KCNIP4: variants seen among roughly 807,000 people sequenced by gnomAD.
The protein encoded by KCNIP4 is Kv channel-interacting protein 4.
In KCNIP4, 12 loss-of-function variants were observed where a neutral mutation model predicts 34.0. That is an observed-to-expected ratio of 0.35 (90% CI 0.23 to 0.57). KCNIP4 has a LOEUF of 0.57. KCNIP4 is among the 20% of genes least tolerant of loss of function. KCNIP4 has a pLI of 0.83. For missense variants in KCNIP4, 238 were observed against 311.7 expected, an observed-to-expected ratio of 0.76 and a Z score of 1.78; for synonymous variants, 124 against 102.2, an observed-to-expected ratio of 1.21 and a Z score of -1.29.
Position 21,297,110 on chromosome 4 carries a change from A to G in KCNIP4, c.62-414401T>C, listed in dbSNP as rs6845862. ...TGCTATATCAAATATGTGTATATAT[A>G]TATATATATATATTTGGAAAGGAGA... is the stretch of plus-strand genomic sequence containing the variant. On this transcript the variant is annotated intron_variant, in intron 1 of 8. Transcript: ENST00000382152. 5.0e-3 allele frequency among the ~76,000 whole-genome samples: 759 copies of G among 151,032 alleles called. 8 individuals are homozygous for G. Among genetic ancestry groups the G allele is most frequent in the African/African-American group, 0.018 (743 of 41,156 alleles).
Position 21,289,037 on chromosome 4 carries a change from G to T in KCNIP4, c.62-406328C>A, listed in dbSNP as rs559117918. ...GACTGGGTTTGGATGAAAACACAAGGCTATTTGAATTCAACACAGTGTGCT... is the reference window on the plus strand; with the variant it reads ...GACTGGGTTTGGATGAAAACACAAGTCTATTTGAATTCAACACAGTGTGCT... On this transcript the variant is annotated intron_variant, in intron 1 of 8. Coordinates refer to ENST00000382152, the MANE Select transcript of KCNIP4 (RefSeq NM_025221.6). Among the ~76,000 whole-genome samples the T allele has an allele frequency of 2.3e-3, 354 of 152,226 alleles. 3 individuals are homozygous for T. Among genetic ancestry groups the T allele is most frequent in the African/African-American group, 8.1e-3 (335 of 41,550 alleles).
At chr4:21,138,548 C>T (rs142793263) in intron 1 of KCNIP4, among the ~76,000 whole-genome samples, 1 of 151,002 alleles carries the variant, frequency 6.6e-6, no homozygotes, top group African/African-American at 2.4e-5. Context: ...TTTGGTTGTT[C>T]TCTCACCATT....
chr4:21,391,192 AG>A (rs1477830906), intron 1 of KCNIP4, among the ~76,000 whole-genome samples: 24 of 152,292 alleles, frequency 1.6e-4, no homozygotes, highest in African/African-American at 5.5e-4. Flanking sequence ...TTCTATACTT[AG>A]TCAGTACTTA....
chr4:20,869,538 G>C (rs1428658164), intron 2 of KCNIP4, among the ~76,000 whole-genome samples: 2 of 152,030 alleles, frequency 1.3e-5, no homozygotes, highest in African/African-American at 4.8e-5. Flanking sequence ...AACAGTGCCT[G>C]GGAGTGCTAA....
chr4:21,831,631 G>A (rs535341146), intron 1 of KCNIP4, among the ~76,000 whole-genome samples: 2 of 59,954 alleles, frequency 3.3e-5, no homozygotes, highest in Non-Finnish European at 6.2e-5. Context: ...CCAATAATAA[G>A]AAGATTGAAT....
intron 1 of KCNIP4, among the ~76,000 whole-genome samples, chr4:20,893,565 G>A (rs911375899): frequency 1.3e-5 from 2 of 151,662 alleles, no homozygotes; most frequent in Admixed American, 6.6e-5. Flanking sequence ...TGGGACTATG[G>A]GCACACACCA....
At chr4:20,925,815 G>T (rs1256504364) in intron 1 of KCNIP4, among the ~76,000 whole-genome samples, 2 of 152,130 alleles carry the variant, frequency 1.3e-5, no homozygotes, top group African/African-American at 4.8e-5. Context: ...AAAGGAAAAA[G>T]GCACATGGGG....
intron 1 of KCNIP4, among the ~76,000 whole-genome samples, chr4:21,375,753 A>G (rs1035311611): frequency 6.6e-6 from 1 of 151,890 alleles, no homozygotes; most frequent in Non-Finnish European, 1.5e-5. Context: ...TATTTTTAGT[A>G]GAGGCGGGGT....
At chr4:20,928,155 A>C (rs909514733) in intron 1 of KCNIP4, among the ~76,000 whole-genome samples, 1 of 152,044 alleles carries the variant, frequency 6.6e-6, no homozygotes, top group African/African-American at 2.4e-5. Context: ...CACCTATAAA[A>C]CTACGTATAA....
intron 1 of KCNIP4, among the ~76,000 whole-genome samples, chr4:21,115,338 A>G (rs895169652): frequency 1.3e-5 from 2 of 152,222 alleles, no homozygotes; most frequent in African/African-American, 2.4e-5. Context: ...TTATCTATTA[A>G]GGTCAGGGAC....
chr4:21,001,212 A>T (rs1163752979), intron 1 of KCNIP4, among the ~76,000 whole-genome samples: 1 of 148,914 alleles, frequency 6.7e-6, no homozygotes, highest in African/African-American at 2.6e-5. Context: ...ATACATAGAT[A>T]CAATACATCA....
At chr4:21,042,584 A>G (rs1742064501) in intron 1 of KCNIP4, among the ~76,000 whole-genome samples, 1 of 152,160 alleles carries the variant, frequency 6.6e-6, no homozygotes, top group African/African-American at 2.4e-5. Flanking sequence ...CGAAGCTACA[A>G]TTTGATAGGA....
chr4:21,459,062 CATCATCATT>C (rs1729221227), intron 1 of KCNIP4, among the ~76,000 whole-genome samples: 1 of 150,160 alleles, frequency 6.7e-6, no homozygotes, highest in Non-Finnish European at 1.5e-5. Flanking sequence ...TTTTAACCAT[CATCATCATT>C]ATCATCATCA....
At chr4:21,705,444 T>C (rs1205083202) in intron 1 of KCNIP4, among the ~76,000 whole-genome samples, 4 of 152,178 alleles carry the variant, frequency 2.6e-5, no homozygotes, top group Non-Finnish European at 4.4e-5. Flanking sequence ...CAAATAAAAA[T>C]TTAATGAAAA....
At chr4:20,935,997 G>T (rs912306056) in intron 1 of KCNIP4, among the ~76,000 whole-genome samples, 4 of 152,084 alleles carry the variant, frequency 2.6e-5, no homozygotes, top group African/African-American at 9.7e-5. Flanking sequence ...TAGAGGTCTT[G>T]TGATTCCCAG....
chr4:20,851,655 G>T (rs1215536658), intron 2 of KCNIP4, among the ~76,000 whole-genome samples: 1 of 152,110 alleles, frequency 6.6e-6, no homozygotes, highest in Non-Finnish European at 1.5e-5. Flanking sequence ...CACCAACAGT[G>T]TAAAAGTTTC....
chr4:20,882,697 G>C lies in KCNIP4; in HGVS notation c.74C>G (p.Ala25Gly), dbSNP rs779835343. Reference protein sequence around the residue: ...EASSTGGFLYAQNSTKRSIKE... With the variant: ...EASSTGGFLYGQNSTKRSIKE... ...AATGCTGCGCTTGGTGCTGTTCTGA[G>C]CGTACAGGAAACCTAGAAGATACAG... The change falls in exon 2 of 9, where the codon GCT (alanine) becomes GGT (glycine). Residue 25 changes from alanine (A) to glycine (G), a missense_variant. Physicochemically the swap from Ala to Gly is moderately conservative, Grantham distance 60. Transcript: ENST00000382152. 6.2e-7 allele frequency: 1 copy of C among 1,613,164 alleles called. No homozygotes were observed. The highest frequency in any genetic ancestry group is 1.1e-5 in the South Asian group (1 of 91,044).
chr4:20,897,034 T>C (rs548328988), intron 1 of KCNIP4, among the ~76,000 whole-genome samples: 1 of 152,234 alleles, frequency 6.6e-6, no homozygotes, highest in East Asian at 1.9e-4. Flanking sequence ...AATTGGCATG[T>C]TCTAGATTCT....
At chr4:21,678,607 A>G (rs958754348) in intron 1 of KCNIP4, among the ~76,000 whole-genome samples, 6 of 152,268 alleles carry the variant, frequency 3.9e-5, no homozygotes, top group Admixed American at 3.3e-4. Flanking sequence ...CAGCAAACTG[A>G]CATGCTTTCT....
Sources: gnomAD v4.1 joint callset for allele counts (sites outside exome capture counted in the v4.1 genomes callset) on GRCh38, gnomAD v4.1.1 for gene constraint, MANE v1.5 for transcripts, NCBI Gene and HGNC (gene_info 2026-07-23, HGNC 2026-07-21) for gene names.